TTC7A: variants seen among roughly 807,000 people sequenced by gnomAD.
TTC7A encodes the protein tetratricopeptide repeat domain 7A.
In TTC7A, 110 loss-of-function variants were observed where a neutral mutation model predicts 103.7. The observed-to-expected ratio is 1.06, with a 90% CI of 0.91 to 1.24. TTC7A has a LOEUF of 1.24. Ranked by LOEUF, TTC7A falls within the 50% of genes most tolerant of loss-of-function variation. The pLI is 0.00. For missense variants in TTC7A, 1,340 were observed against 1,116.3 expected (o/e 1.20, Z -2.86); for synonymous variants, 521 against 467.9 (o/e 1.11, Z -1.47).
At chr2:46,928,716 G>A (rs573006933) in intron 2 of TTC7A, among the ~76,000 whole-genome samples, 10 of 152,088 alleles carry the variant, frequency 6.6e-5, no homozygotes, top group African/African-American at 2.2e-4. Context: ...GCTGCAGTGA[G>A]CTGTGATTGC....
chr2:46,938,495 T>C (rs1302977542), upstream of TTC7A, among the ~76,000 whole-genome samples: 2 of 152,184 alleles, frequency 1.3e-5, no homozygotes, highest in African/African-American at 4.8e-5. Context: ...AATAACTTAA[T>C]AGCAAGGGAT....
chr2:46,958,484 C>T (rs1160433710), intron 3 of TTC7A: 7 of 1,304,156 alleles, frequency 5.4e-6, no homozygotes, highest in Non-Finnish European at 7.1e-6. Flanking sequence ...CCTGCTCTCT[C>T]CTCTTTCCAG....
chr2:46,994,629 C>A, intron 7 of TTC7A, 115 bp downstream of exon 7: 2 of 1,067,034 alleles, frequency 1.9e-6, no homozygotes, highest in Non-Finnish European at 2.8e-6. Flanking sequence ...ACTCAGCACA[C>A]TGCCAGCCAG....
At chr2:46,967,090 G>A (rs903768057) in intron 3 of TTC7A, among the ~76,000 whole-genome samples, 5 of 152,112 alleles carry the variant, frequency 3.3e-5, no homozygotes, top group South Asian at 2.1e-4. Flanking sequence ...GCGCGTGCCT[G>A]TAATTCCAGC....
intron 5 of TTC7A, among the ~76,000 whole-genome samples, chr2:46,989,183 C>T (rs1035880742): frequency 2.0e-5 from 3 of 152,242 alleles, no homozygotes; most frequent in Non-Finnish European, 2.9e-5. Flanking sequence ...CCCATCATCA[C>T]ACCCACATCT....
chr2:46,939,522 T>G (rs1256476554), upstream of TTC7A, among the ~76,000 whole-genome samples: 1 of 152,278 alleles, frequency 6.6e-6, no homozygotes, highest in East Asian at 1.9e-4. Flanking sequence ...GGTGACCCCC[T>G]TAAAGCAACA....
At position 47,029,273 on chromosome 2, in the gene TTC7A, A is replaced by T; in HGVS notation, c.1691A>T (p.Asp564Val). The T allele has an allele frequency of 6.2e-7, 1 of 1,614,036 alleles. No individual in the cohort carries two copies. Among genetic ancestry groups the T allele is most frequent in the Non-Finnish European group, 8.5e-7 (1 of 1,180,032 alleles). Residue 564 changes from aspartate (D) to valine (V), a missense_variant, in exon 15 of 20, where the codon GAT (aspartate) becomes GTT (valine). Physicochemically the swap from Asp to Val is radical, Grantham distance 152. Coordinates refer to ENST00000319190, the MANE Select transcript of TTC7A (RefSeq NM_020458.4). ...CAGGAGGCCCTGAAGGTACGCAAGG[A>T]TGATGCCCACGCCCTCCACCTGCTG... Reference protein sequence around the residue: ...QLQEALKVRKDDAHALHLLAL... With the variant: ...QLQEALKVRKVDAHALHLLAL...
chr2:47,011,566 G>C, intron 11 of TTC7A, 131 bp downstream of exon 11: 5 of 693,626 alleles, frequency 7.2e-6, no homozygotes, highest in Non-Finnish European at 1.2e-5. Context: ...CCAGGCAGAT[G>C]GGCCTGGGCA....
rs997710705 is a variant in TTC7A at position 46,941,890 on chromosome 2, G to A, written c.184+165G>A. 6 of 854,634 alleles carry A rather than the reference G, an allele frequency of 7.0e-6. No homozygotes were observed. Among genetic ancestry groups the A allele is most frequent in the African/African-American group, 1.7e-5 (1 of 58,506 alleles). 52.9% of individuals were successfully genotyped at this position (854,634 alleles called of 1,614,324 possible). ...AGTTAGGAAGGTCCTTCTGCCGCGA[G>A]AGAAAAATCACATGTGGTTTGGGGG... On this transcript the variant is annotated intron_variant, in intron 1 of 19. Transcript: ENST00000319190. The surrounding 1 kb of genome is among the most constrained non-coding windows in gnomAD (Gnocchi z 4.2).
chr2:46,956,922 C>A lies in TTC7A; in HGVS notation c.432C>A (p.Tyr144Ter), dbSNP rs767549499. The A allele has an allele frequency of 6.2e-7, 1 of 1,614,204 alleles. No individual in the cohort carries two copies. The highest frequency in any genetic ancestry group is 1.7e-5 in the Admixed American group (1 of 60,020). The change falls in exon 3 of 20, where the codon TAC (tyrosine) becomes TAA (stop). Residue 144 changes from tyrosine to a stop codon, truncating the protein, a stop_gained. Transcript: ENST00000319190. LOFTEE classifies it high-confidence loss of function. ...CATACCGAGATGCCATCAGCATGTA[C>A]GCACGGGCCGGGATTGATGACATGT... ...EGSYRDAISM[Y>*]ARAGIDDMSM...
chr2:46,973,455 G>T (rs1673552655), intron 3 of TTC7A, among the ~76,000 whole-genome samples: 2 of 152,222 alleles, frequency 1.3e-5, no homozygotes, highest in Non-Finnish European at 2.9e-5. Context: ...GAGGGCCTCA[G>T]TGCCGAGTGC....
intron 15 of TTC7A, among the ~76,000 whole-genome samples, chr2:47,041,917 A>C (rs1681793990): frequency 6.7e-6 from 1 of 150,014 alleles, no homozygotes; most frequent in African/African-American, 2.4e-5. Flanking sequence ...TGACAGATTA[A>C]CGGGAAAAAA....
At chr2:46,994,648 G>C in intron 7 of TTC7A, 134 bp downstream of exon 7, 2 of 879,284 alleles carry the variant, frequency 2.3e-6, no homozygotes, top group Non-Finnish European at 3.5e-6. Context: ...AGCCTCCTCA[G>C]TCTCAGCAGG....
At chr2:46,954,129 C>G (rs1224862843) in intron 2 of TTC7A, among the ~76,000 whole-genome samples, 1 of 152,152 alleles carries the variant, frequency 6.6e-6, no homozygotes, top group African/African-American at 2.4e-5. Flanking sequence ...AGATGGTGAT[C>G]ACACCCCCAC....
chr2:46,994,189 G>T, intron 6 of TTC7A, 168 bp from the exon 7 acceptor site: 1 of 722,756 alleles, frequency 1.4e-6, no homozygotes, highest in East Asian at 2.6e-5. Context: ...GTGTTGGAGG[G>T]ACTGAAGGAG....
chr2:46,920,366 A>G (rs1278035455), intron 2 of TTC7A, among the ~76,000 whole-genome samples: 2 of 151,950 alleles, frequency 1.3e-5, no homozygotes, highest in South Asian at 2.1e-4. Flanking sequence ...GTCTTGCTCA[A>G]TTGCCCAGGC....
chr2:47,023,507 T>C (rs1318902179), intron 13 of TTC7A, 42 bp downstream of exon 13: 2 of 1,602,678 alleles, frequency 1.2e-6, no homozygotes, highest in Non-Finnish European at 1.7e-6. Context: ...CTCTTGCCTT[T>C]GGTGGCAGAT....
At chr2:47,065,186 C>T (rs1684085086) in intron 19 of TTC7A, among the ~76,000 whole-genome samples, 1 of 152,220 alleles carries the variant, frequency 6.6e-6, no homozygotes, top group Admixed American at 6.5e-5. Context: ...ACTCGGGAAT[C>T]TGAGGCAGGA....
At chr2:47,016,784 GAAGACGTCTGGAGT>G (rs1406911191) in intron 11 of TTC7A, among the ~76,000 whole-genome samples, 1 of 152,228 alleles carries the variant, frequency 6.6e-6, no homozygotes, top group Admixed American at 6.5e-5. Flanking sequence ...AGGCAGGGAG[GAAGACGTCTGGAGT>G]AGAGCAGAAG....
Sources: gnomAD v4.1 joint callset for allele counts (sites outside exome capture counted in the v4.1 genomes callset) on GRCh38, gnomAD v4.1.1 for gene constraint, Gnocchi (gnomAD v3.1) non-coding constraint, MANE v1.5 for transcripts, NCBI Gene and HGNC (gene_info 2026-07-23, HGNC 2026-07-21) for gene names.